ARHGAP44: variants seen among roughly 807,000 people sequenced by gnomAD.
ARHGAP44 encodes the protein rho GTPase-activating protein 44.
ARHGAP44 carries 43 observed loss-of-function variants against 106.8 expected under a neutral mutation model. That is an observed-to-expected ratio of 0.40 (90% CI 0.32 to 0.52). ARHGAP44 has a LOEUF of 0.52. ARHGAP44 is among the 20% of genes least tolerant of loss of function. The pLI is 0.48. For synonymous variants in ARHGAP44, 439 were observed against 410.3 expected (o/e 1.07, Z -0.85); for missense variants, 866 against 1,050.5 (o/e 0.82, Z 2.43).
At position 12,879,244 on chromosome 17, in the gene ARHGAP44, T is replaced by G. The variant is rs757960449; in HGVS notation, c.54-15696T>G. ...CGATGTTTGGTTTTCCATTCCTGAG[T>G]CACTTCACTTAGAACGATGGTCTAC... On this transcript the variant is annotated intron_variant, in intron 1 of 20. Transcript: ENST00000379672. 7.1e-4 allele frequency among the ~76,000 whole-genome samples: 108 copies of G among 152,316 alleles called. 2 individuals carry two copies. Among genetic ancestry groups the G allele is most frequent in the Non-Finnish European group, 1.8e-4 (12 of 68,026 alleles).
At position 12,974,092 on chromosome 17, in the gene ARHGAP44, G is replaced by A. The variant is rs1245366101; in HGVS notation, c.1545G>A (p.Met515Ile). ...KKDGLRKIQSMGVRVMDTNWV... is the reference protein window; with the variant it reads ...KKDGLRKIQSIGVRVMDTNWV... ...GTGTCTTTGTGTCCCTCGCCAGCATGGGTGTGAGGGTCATGGACACAAACT... is the reference window on the plus strand; with the variant it reads ...GTGTCTTTGTGTCCCTCGCCAGCATAGGTGTGAGGGTCATGGACACAAACT... Residue 515 changes from methionine (M) to isoleucine (I), a missense_variant, in exon 18 of 21, where the codon ATG becomes ATA. Coordinates refer to ENST00000379672, the MANE Select transcript of ARHGAP44 (RefSeq NM_014859.6). 3 of 1,564,844 alleles carry A rather than the reference G, an allele frequency of 1.9e-6. No homozygotes were observed. Among genetic ancestry groups the A allele is most frequent in the Non-Finnish European group, 2.6e-6 (3 of 1,154,572 alleles).
Position 12,974,230 on chromosome 17 carries a change from G to T in ARHGAP44, c.1683G>T (p.Pro561=), listed in dbSNP as rs746897027. Residue 561 remains proline, a synonymous_variant, in exon 18 of 21, where the codon CCG becomes CCT. Transcript: ENST00000379672. ...ELAAPLPSPL[P]EQPLDSPAAP... ...CTGCGCCCCTGCCTTCGCCGCTGCCGGAGCAGCCCCTGGACAGCCCCGCGG... is the reference window on the plus strand; with the variant it reads ...CTGCGCCCCTGCCTTCGCCGCTGCCTGAGCAGCCCCTGGACAGCCCCGCGG... The T allele has an allele frequency of 1.8e-5, 28 of 1,545,726 alleles. No homozygotes were observed. In the Admixed American group the frequency reaches 4.9e-4, roughly 27 times the overall value.
At chr17:12,805,933 T>C (rs1248431809) in intron 1 of ARHGAP44, among the ~76,000 whole-genome samples, 2 of 152,158 alleles carry the variant, frequency 1.3e-5, no homozygotes, top group East Asian at 3.9e-4. Flanking sequence ...CACCTCTTCA[T>C]TGATTAGCCA....
At chr17:12,797,998 T>G (rs2033975319) in intron 1 of ARHGAP44, among the ~76,000 whole-genome samples, 1 of 152,156 alleles carries the variant, frequency 6.6e-6, no homozygotes, top group Non-Finnish European at 1.5e-5. Context: ...TTTTTCTTAC[T>G]CTTTGTTGCT....
chr17:12,828,789 C>T (rs930013069), intron 1 of ARHGAP44, among the ~76,000 whole-genome samples: 13 of 151,716 alleles, frequency 8.6e-5, no homozygotes, highest in Middle Eastern at 3.4e-3. Context: ...CTACAGGCGT[C>T]CGCCACCATG....
chr17:12,974,105 A>G lies in ARHGAP44; in HGVS notation c.1558A>G (p.Met520Val), dbSNP rs2039603587. ...RKIQSMGVRVMDTNWVARRGS... is the reference protein window; with the variant it reads ...RKIQSMGVRVVDTNWVARRGS... ...CCTCGCCAGCATGGGTGTGAGGGTC[A>G]TGGACACAAACTGGGTGGCTCGAAG... The change falls in exon 18 of 21, where the codon ATG becomes GTG. Residue 520 changes from methionine to valine, a missense_variant. Physicochemically the swap from Met to Val is conservative, Grantham distance 21 (BLOSUM62 1). Transcript: ENST00000379672. The G allele has an allele frequency of 6.4e-7, 1 of 1,569,976 alleles. No individual in the cohort carries two copies. The highest frequency in any genetic ancestry group is 8.6e-7 in the Non-Finnish European group (1 of 1,157,548).
intron 1 of ARHGAP44, among the ~76,000 whole-genome samples, chr17:12,842,898 A>G (rs1369459217): frequency 6.6e-6 from 1 of 152,134 alleles, no homozygotes; most frequent in Non-Finnish European, 1.5e-5. Context: ...ATCATCCCTC[A>G]AGCCACGCAG....
At chr17:12,796,407 A>T (rs1280053741) in intron 1 of ARHGAP44, among the ~76,000 whole-genome samples, 1 of 152,166 alleles carries the variant, frequency 6.6e-6, no homozygotes, top group Non-Finnish European at 1.5e-5. Flanking sequence ...GCTGGGTCAA[A>T]GAATATGTGA....
intron 1 of ARHGAP44, among the ~76,000 whole-genome samples, chr17:12,866,821 G>A (rs1447003855): frequency 6.6e-6 from 1 of 152,152 alleles, no homozygotes; most frequent in Non-Finnish European, 1.5e-5. Flanking sequence ...AGCAGTGTTT[G>A]TGCAGGTCTG....
chr17:12,789,707 G>C lies in ARHGAP44; in HGVS notation c.-132G>C. On this transcript the variant is annotated 5_prime_UTR_variant, in exon 1 of 21. Coordinates refer to ENST00000379672, the MANE Select transcript of ARHGAP44 (RefSeq NM_014859.6). ...GGAGGGAGCTGCGCGCGGGCCAGAC[G>C]GCGCCCGGAGGCTCCGCAGTGCCGC... The C allele has an allele frequency of 4.0e-6, 3 of 741,390 alleles. No homozygotes were observed. The highest frequency in any genetic ancestry group is 5.7e-6 in the Non-Finnish European group (3 of 529,296). 45.9% of individuals were successfully genotyped at this position (741,390 alleles called of 1,614,324 possible).
intron 12 of ARHGAP44, among the ~76,000 whole-genome samples, chr17:12,951,479 A>G (rs2038990744): frequency 6.6e-6 from 1 of 152,208 alleles, no homozygotes; most frequent in African/African-American, 2.4e-5. Flanking sequence ...CCTTTGATGG[A>G]AACTGTCACT....
chr17:12,911,174 C>T (rs568063704), intron 4 of ARHGAP44, among the ~76,000 whole-genome samples: 1 of 152,024 alleles, frequency 6.6e-6, no homozygotes, highest in African/African-American at 2.4e-5. Flanking sequence ...AAGAAAATTT[C>T]AGGTTGACAG....
intron 3 of ARHGAP44, among the ~76,000 whole-genome samples, chr17:12,906,366 G>A (rs918501624): frequency 6.6e-6 from 1 of 152,124 alleles, no homozygotes; most frequent in Admixed American, 6.5e-5. Context: ...GATCCCGCAG[G>A]TTAAGGGCTC....
chr17:12,967,870 G>A (rs935353643), intron 16 of ARHGAP44, among the ~76,000 whole-genome samples: 3 of 152,114 alleles, frequency 2.0e-5, no homozygotes, highest in East Asian at 1.9e-4. Flanking sequence ...TGCTTACACG[G>A]TGTGAAAGTC....
chr17:12,952,024 G>C (rs929262212), intron 12 of ARHGAP44, among the ~76,000 whole-genome samples: 1 of 152,160 alleles, frequency 6.6e-6, no homozygotes, highest in African/African-American at 2.4e-5. Flanking sequence ...GGACATCCGG[G>C]GGCCACAGGA....
intron 1 of ARHGAP44, among the ~76,000 whole-genome samples, chr17:12,809,383 C>CAAAAG (rs2034372621): frequency 1.3e-5 from 2 of 152,310 alleles, no homozygotes; most frequent in East Asian, 3.9e-4. Flanking sequence ...TTAATTGACT[C>CAAAAG]ACAGTTCCAC....
intron 1 of ARHGAP44, among the ~76,000 whole-genome samples, chr17:12,835,512 T>G (rs1438483233): frequency 6.6e-6 from 1 of 152,166 alleles, no homozygotes; most frequent in Non-Finnish European, 1.5e-5. Context: ...TCTTCTGACT[T>G]AAAAAGATAA....
At chr17:12,875,694 A>G (rs2036531207) in intron 1 of ARHGAP44, among the ~76,000 whole-genome samples, 1 of 152,246 alleles carries the variant, frequency 6.6e-6, no homozygotes, top group Non-Finnish European at 1.5e-5. Context: ...CTGTAATCCC[A>G]GCACTTTGGG....
At chr17:12,890,859 C>T (rs1463038391) in intron 1 of ARHGAP44, among the ~76,000 whole-genome samples, 1 of 152,104 alleles carries the variant, frequency 6.6e-6, no homozygotes, top group Non-Finnish European at 1.5e-5. Flanking sequence ...CCATATTTTG[C>T]TTAGAAATTT....
Sources: allele counts gnomAD v4.1 joint callset (sites outside exome capture counted in the v4.1 genomes callset), GRCh38; gene constraint gnomAD v4.1.1; transcripts MANE v1.5; gene names NCBI Gene and HGNC (gene_info 2026-07-23, HGNC 2026-07-21).